The following TP63 variants were observed in gnomAD, a reference collection of about 807,000 sequenced individuals.
TP63 encodes tumor protein 63.
A neutral mutation model predicts 82.8 loss-of-function variants in TP63; 17 were observed. The ratio of observed to expected loss-of-function variants is 0.21; its 90% confidence interval spans 0.14 to 0.31. The LOEUF (loss-of-function observed/expected upper bound fraction) is 0.31, where lower values mean the gene tolerates loss of function less well. Ranked by LOEUF, TP63 falls within the 10% of genes least tolerant of loss-of-function variation. The probability of loss-of-function intolerance (pLI) is 1.00; values close to 1 mark genes in which losing one functional copy is unlikely to be tolerated. For missense variants in TP63, 648 were observed against 895.3 expected (o/e 0.72, Z 3.52); for synonymous variants, 330 against 321.7 (o/e 1.03, Z -0.28).
At chr3:189,617,238 A>G in the TP63 span, among the ~76,000 whole-genome samples, 5 of 152,240 alleles carry the variant, frequency 3.3e-5, no homozygotes, top group African/African-American at 1.2e-4. Context: ...TAACGCATAC[A>G]GTGCAACGTT....
At chr3:189,781,357 G>A (rs562487865) in intron 3 of TP63, among the ~76,000 whole-genome samples, 50 of 152,260 alleles carry the variant, frequency 3.3e-4, no homozygotes, top group African/African-American at 1.2e-3. Context: ...TACTGGATGG[G>A]AGATTCACAG....
rs777952899 is a variant in TP63 at position 189,894,356 on chromosome 3, A to C, written c.1897A>C (p.Thr633Pro). ...ASTVSVGSSE[T>P]RGERVIDAVR... ...TACAGTCAGTGTGGGCTCCAGTGAG[A>C]CCCGGGGTGAGCGTGTTATTGATGC... The change falls in exon 14 of 14, where the codon ACC becomes CCC. Residue 633 changes from threonine (T) to proline (P), a missense_variant. By Grantham distance (38) the Thr-to-Pro change is conservative (BLOSUM62 -1). Transcript: ENST00000264731. The C allele has an allele frequency of 1.2e-6, 2 of 1,613,450 alleles. No homozygotes were observed. The highest frequency in any genetic ancestry group is 2.2e-5 in the East Asian group (1 of 44,812).
At chr3:189,650,538 A>G (rs1712801524) in intron 1 of TP63, among the ~76,000 whole-genome samples, 1 of 146,356 alleles carries the variant, frequency 6.8e-6, no homozygotes, top group Admixed American at 6.7e-5. Context: ...TGATGGTTTT[A>G]TAAGGGGCTT....
intron 10 of TP63, among the ~76,000 whole-genome samples, chr3:189,875,616 A>ATATATATATATATATACG (rs1719043291): frequency 9.2e-6 from 1 of 108,700 alleles, no homozygotes; most frequent in African/African-American, 4.4e-5. Context: ...ATATATATAT[A>ATATATATATATATATACG]TATATATATA....
chr3:189,788,510 A>AT (rs5855273), intron 3 of TP63, among the ~76,000 whole-genome samples: 29,935 of 151,762 alleles, frequency 0.2, 3,217 homozygotes, highest in East Asian at 0.46. Context: ...AGAAATCACA[A>AT]TTTTCACTTA....
chr3:189,886,544 A>G lies in TP63; in HGVS notation c.1500A>G (p.Gly500=). 6.2e-7 allele frequency: 1 copy of G among 1,614,046 alleles called. No individual in the cohort carries two copies. Among genetic ancestry groups the G allele is most frequent in the Non-Finnish European group, 8.5e-7 (1 of 1,179,990 alleles). ...LTPTTIPDGM[G]ANIPMMGTHM... ...CTACAACCATTCCTGATGGCATGGG[A>G]GCCAACAGTAAGAGCATCTCCTTTT... is the stretch of plus-strand genomic sequence containing the variant. Residue 500 remains glycine (G), a synonymous_variant, in exon 11 of 14, where the codon GGA becomes GGG. Coordinates refer to ENST00000264731, the MANE Select transcript of TP63 (RefSeq NM_003722.5).
At chr3:189,640,126 A>G (rs113220567) in intron 1 of TP63, among the ~76,000 whole-genome samples, 6,197 of 152,254 alleles carry the variant, frequency 0.041, 160 homozygotes, top group Non-Finnish European at 0.063. Context: ...TGAATATATT[A>G]TTCATTAAAG....
intron 1 of TP63, among the ~76,000 whole-genome samples, chr3:189,663,734 G>A (rs1280714766): frequency 2.6e-5 from 4 of 151,714 alleles, no homozygotes; most frequent in African/African-American, 9.7e-5. Flanking sequence ...CACCATCTTG[G>A]CCAGGCTGGT....
chr3:189,741,217 A>C (rs73197817), intron 3 of TP63, among the ~76,000 whole-genome samples: 4,597 of 150,030 alleles, frequency 0.031, 132 homozygotes, highest in Non-Finnish European at 0.051. Flanking sequence ...AAAAAAAAAA[A>C]CCCTGAGATA....
intron 1 of TP63, among the ~76,000 whole-genome samples, chr3:189,653,615 T>G (rs889368332): frequency 3.3e-5 from 5 of 152,248 alleles, no homozygotes; most frequent in Admixed American, 3.3e-4. Flanking sequence ...TTTTCAAATT[T>G]TAGTACCTGC....
intron 3 of TP63, among the ~76,000 whole-genome samples, chr3:189,795,769 C>T (rs1240662460): frequency 6.6e-6 from 1 of 151,954 alleles, no homozygotes; most frequent in African/African-American, 2.4e-5. Context: ...GACCAGTGTT[C>T]AGAATTCGAG....
At chr3:189,795,559 A>T (rs1725606383) in intron 3 of TP63, among the ~76,000 whole-genome samples, 1 of 152,070 alleles carries the variant, frequency 6.6e-6, no homozygotes, top group Non-Finnish European at 1.5e-5. Context: ...GATAAAATTT[A>T]TAAAAATACA....
At chr3:189,834,290 C>T (rs1350347576) in intron 4 of TP63, among the ~76,000 whole-genome samples, 1 of 152,166 alleles carries the variant, frequency 6.6e-6, no homozygotes, top group East Asian at 1.9e-4. Context: ...GAAAATTACT[C>T]ACCTTAATGA....
intron 1 of TP63, among the ~76,000 whole-genome samples, chr3:189,727,880 G>C (rs1577312691): frequency 6.6e-6 from 1 of 152,168 alleles, no homozygotes; most frequent in African/African-American, 2.4e-5. Flanking sequence ...ATGCTATAAT[G>C]CTAAAATGAC....
At chr3:189,809,874 G>A (rs1727339543) in intron 4 of TP63, among the ~76,000 whole-genome samples, 1 of 152,188 alleles carries the variant, frequency 6.6e-6, no homozygotes. Flanking sequence ...GAAGAAGTTG[G>A]AGGTTAAGTT....
In TP63 at chr3:189,737,772, A is replaced by G; in HGVS notation, c.95A>G (p.Lys32Arg). The part of the protein sequence containing the change: ...FVETPAHFSW[K>R]ESYYRSTMSQ... ...GAAACCCCAGCTCATTTCTCTTGGAAAGAAAGTTATTACCGATCCACCATG... is the reference window on the plus strand; with the variant it reads ...GAAACCCCAGCTCATTTCTCTTGGAGAGAAAGTTATTACCGATCCACCATG... Residue 32 changes from lysine to arginine, a missense_variant, in exon 2 of 14, where the codon AAA becomes AGA. By Grantham distance (26) the Lys-to-Arg change is conservative. This residue lies in a region of TP63 where 182 missense variants were observed against 213.6 expected (regional missense o/e 0.85). Coordinates refer to ENST00000264731, the MANE Select transcript of TP63 (RefSeq NM_003722.5). The G allele has an allele frequency of 6.2e-7, 1 of 1,613,994 alleles. No homozygotes were observed.
chr3:189,896,250 A>G lies in TP63; in HGVS notation c.*1748A>G, dbSNP rs1037267655. The G allele has an allele frequency of 2.3e-5, 5 of 219,540 alleles. No individual in the cohort carries two copies. The highest frequency in any genetic ancestry group is 1.8e-4 in the South Asian group (1 of 5,408). The allele number at this position is 219,540 out of a possible 1,614,324, so 13.6% of individuals were successfully genotyped here. On this transcript the variant is annotated 3_prime_UTR_variant, in exon 14 of 14. Coordinates refer to ENST00000264731, the MANE Select transcript of TP63 (RefSeq NM_003722.5). ...TGGATTGCCTCTGAAAAGTGTGTAT[A>G]TATTTTGTGTGAAATTGCATACTTT...
intron 4 of TP63, among the ~76,000 whole-genome samples, chr3:189,835,272 AATG>A (rs1712967422): frequency 6.6e-6 from 1 of 152,160 alleles, no homozygotes; most frequent in South Asian, 2.1e-4. Context: ...TTAAACTCCT[AATG>A]ATAAAAGGCT....
chr3:189,656,696 A>G (rs958728396), intron 1 of TP63, among the ~76,000 whole-genome samples: 1 of 152,184 alleles, frequency 6.6e-6, no homozygotes, highest in Non-Finnish European at 1.5e-5. Context: ...ACACTAATAT[A>G]GAACAGCTAT....
Sources: allele counts gnomAD v4.1 joint callset (sites outside exome capture counted in the v4.1 genomes callset), GRCh38; gene constraint gnomAD v4.1.1; regional missense constraint gnomAD v4.1.1; transcripts MANE v1.5; gene names NCBI Gene and HGNC (gene_info 2026-07-23, HGNC 2026-07-21).